The following WHRN variants were observed in gnomAD, a reference collection of about 807,000 sequenced individuals.
WHRN encodes the protein whirlin.
In WHRN, 41 loss-of-function variants were observed where a neutral mutation model predicts 68.3. The observed-to-expected ratio is 0.60, with a 90% CI of 0.47 to 0.78. WHRN has a LOEUF of 0.78. WHRN is among the 30% of genes least tolerant of loss of function. The probability of loss-of-function intolerance (pLI) is 0.00; values close to 1 mark genes in which losing one functional copy is unlikely to be tolerated. For synonymous variants in WHRN, 560 were observed against 561.3 expected (o/e 1.00, Z 0.03); for missense variants, 1,243 against 1,244.7 (o/e 1.00, Z 0.02).
chr9:114,504,088 G>T, intron 1 of WHRN, 96 bp downstream of exon 1: 3 of 1,546,612 alleles, frequency 1.9e-6, no homozygotes, highest in Non-Finnish European at 2.6e-6. Flanking sequence ...GAAAGGCCAA[G>T]TGATTCATCT....
At position 114,464,419 on chromosome 9, in the gene WHRN, C is replaced by T. The variant is rs186160726; in HGVS notation, c.963+1848G>A. On this transcript the variant is annotated intron_variant, in intron 3 of 11. Coordinates refer to ENST00000362057, the MANE Select transcript of WHRN (RefSeq NM_015404.4). ...CAGCAGGTTCAGTGTCTGGTGAGGGCCCACTTCCTGGTTCATAGACTGTGC... is the reference window on the plus strand; with the variant it reads ...CAGCAGGTTCAGTGTCTGGTGAGGGTCCACTTCCTGGTTCATAGACTGTGC... Among the ~76,000 whole-genome samples, 7 of 152,190 alleles carry T rather than the reference C, an allele frequency of 4.6e-5. No homozygotes were observed. In the East Asian group the frequency reaches 1.2e-3, roughly 25 times the overall value.
chr9:114,495,543 G>A (rs890921017), intron 1 of WHRN, among the ~76,000 whole-genome samples: 2 of 152,172 alleles, frequency 1.3e-5, no homozygotes, highest in African/African-American at 2.4e-5. Context: ...ACAACGAGAA[G>A]GCAATTAAAA....
At chr9:114,486,945 G>A in intron 1 of WHRN, among the ~76,000 whole-genome samples, 1 of 1,456 alleles carries the variant, frequency 6.9e-4, no homozygotes. Flanking sequence ...TGTGTGTTGT[G>A]TGTGTGTGTG....
At chr9:114,459,686 T>C (rs577089993) in intron 3 of WHRN, among the ~76,000 whole-genome samples, 23 of 152,250 alleles carry the variant, frequency 1.5e-4, no homozygotes, top group African/African-American at 4.6e-4. Context: ...CCTGGCAAAG[T>C]CCAGCACCCG....
rs567156879 is a variant in WHRN at position 114,402,171 on chromosome 9, G to A, written c.*583C>T. 30 of 165,604 alleles carry A rather than the reference G, an allele frequency of 1.8e-4. No individual in the cohort carries two copies. In the South Asian group the frequency reaches 3.6e-3, roughly 20 times the overall value. The allele number at this position is 165,604 out of a possible 1,614,324, so 10.3% of individuals were successfully genotyped here. On this transcript the variant is annotated 3_prime_UTR_variant, in exon 12 of 12. Coordinates refer to ENST00000362057, the MANE Select transcript of WHRN (RefSeq NM_015404.4). ...CTGCTGGTCACCTGCAAGGCCTCTGGGATAGGCTGGGGGTGCAGAGGGAAG... is the reference window on the plus strand; with the variant it reads ...CTGCTGGTCACCTGCAAGGCCTCTGAGATAGGCTGGGGGTGCAGAGGGAAG...
chr9:114,435,882 A>T (rs2132521857), intron 3 of WHRN, among the ~76,000 whole-genome samples: 1 of 139,358 alleles, frequency 7.2e-6, no homozygotes, highest in Middle Eastern at 3.5e-3. Context: ...AAAACTTCAC[A>T]CACTTCTAAA....
In WHRN at chr9:114,487,354, A is replaced by G. The variant is rs1842636096; in HGVS notation, c.619-8583T>C. Among the ~76,000 whole-genome samples the G allele has an allele frequency of 2.0e-5, 3 of 150,640 alleles. No homozygotes were observed. In the South Asian group the frequency reaches 6.4e-4, roughly 32 times the overall value. On this transcript the variant is annotated intron_variant, in intron 1 of 11. Coordinates refer to ENST00000362057, the MANE Select transcript of WHRN (RefSeq NM_015404.4). ...GTACTTTATAAACACGTATATATAC[A>G]TATACAAGCTTATCATCTGATTACA...
chr9:114,446,313 A>C (rs1159042909), intron 3 of WHRN, among the ~76,000 whole-genome samples: 1 of 152,014 alleles, frequency 6.6e-6, no homozygotes, highest in East Asian at 1.9e-4. Flanking sequence ...GACAGAAAGC[A>C]GATTAGTAGC....
chr9:114,476,412 T>A (rs1207736798), intron 2 of WHRN, among the ~76,000 whole-genome samples: 1 of 151,878 alleles, frequency 6.6e-6, no homozygotes, highest in Non-Finnish European at 1.5e-5. Flanking sequence ...GGATTTTCAG[T>A]CCCCGAATGG....
intron 3 of WHRN, among the ~76,000 whole-genome samples, chr9:114,443,122 C>T (rs907107991): frequency 2.0e-5 from 3 of 152,076 alleles, no homozygotes; most frequent in Admixed American, 6.6e-5. Flanking sequence ...AGTACTGTTG[C>T]GGCCAGCACC....
At chr9:114,436,305 T>A (rs1177154962) in intron 3 of WHRN, among the ~76,000 whole-genome samples, 1 of 152,180 alleles carries the variant, frequency 6.6e-6, no homozygotes, top group Admixed American at 6.5e-5. Context: ...TACATGACAT[T>A]ATGTATTGAT....
chr9:114,476,471 T>A (rs888201440), intron 2 of WHRN, among the ~76,000 whole-genome samples: 4 of 152,068 alleles, frequency 2.6e-5, no homozygotes, highest in Non-Finnish European at 5.9e-5. Context: ...GGAAGCCGTC[T>A]CCTCAGAGAA....
At position 114,504,195 on chromosome 9, in the gene WHRN, C is replaced by T; in HGVS notation, c.607G>A (p.Glu203Lys). ...DKSLARVTHA[E>K]AVKALKGSKK... ...AACCACAGCCTTACCTTGACGGCCT[C>T]CGCGTGGGTCACCCGGGCCAGGGAT... is the stretch of plus-strand genomic sequence containing the variant. Residue 203 changes from glutamate (E) to lysine (K), a missense_variant, in exon 1 of 12, where the codon GAG (glutamate) becomes AAG (lysine). Glu to Lys is a moderately conservative substitution (Grantham distance 56, BLOSUM62 1). Transcript: ENST00000362057. 6.2e-7 allele frequency: 1 copy of T among 1,614,190 alleles called. No individual in the cohort carries two copies. The highest frequency in any genetic ancestry group is 8.5e-7 in the Non-Finnish European group (1 of 1,180,044).
Position 114,406,890 on chromosome 9 carries a change from A to T in WHRN, c.1701T>A (p.Asp567Glu). 1 of 1,570,824 alleles carries T rather than the reference A, an allele frequency of 6.4e-7. No individual in the cohort carries two copies. ...GCCCCTGGGAGGTGGATCTGACATC[A>T]TCCTGCCAAAAGACCCAACAGGCGG... Reference protein sequence around the residue: ...NINALPDVSVDDVRSTSQGLS... With the variant: ...NINALPDVSVEDVRSTSQGLS... Residue 567 changes from aspartate (D) to glutamate (E), a missense_variant and splice_region_variant, in exon 9 of 12, where the codon GAT (aspartate) becomes GAA (glutamate). Physicochemically the swap from Asp to Glu is conservative, Grantham distance 45. Transcript: ENST00000362057.
chr9:114,478,844 C>G, intron 1 of WHRN, 73 bp from the exon 2 acceptor site: 1 of 1,477,404 alleles, frequency 6.8e-7, no homozygotes, highest in Non-Finnish European at 9.2e-7. Context: ...TCCCCTGGCC[C>G]AGACCTTGGT....
intron 5 of WHRN, 68 bp from the exon 6 acceptor site, chr9:114,424,614 C>T: frequency 6.9e-7 from 1 of 1,450,904 alleles, no homozygotes; most frequent in Non-Finnish European, 9.5e-7. Context: ...CATGCCACTC[C>T]CCCTCTGCCC....
chr9:114,475,904 G>A (rs1255346572), intron 2 of WHRN, among the ~76,000 whole-genome samples: 1 of 152,158 alleles, frequency 6.6e-6, no homozygotes, highest in African/African-American at 2.4e-5. Context: ...GGTTCAGGGT[G>A]TCTCCTGCCT....
intron 2 of WHRN, among the ~76,000 whole-genome samples, chr9:114,473,758 C>T (rs141076422): frequency 1.3e-5 from 2 of 152,274 alleles, no homozygotes; most frequent in African/African-American, 4.8e-5. Context: ...AAGCAGGAGA[C>T]GCAGGCCGCC....
chr9:114,492,644 G>A (rs185595384), intron 1 of WHRN, among the ~76,000 whole-genome samples: 90 of 152,224 alleles, frequency 5.9e-4, no homozygotes, highest in African/African-American at 2.0e-3. Flanking sequence ...AATTATTACT[G>A]ACTTGGGGAG....
Sources: gnomAD v4.1 joint callset for allele counts (sites outside exome capture counted in the v4.1 genomes callset) on GRCh38, gnomAD v4.1.1 for gene constraint, MANE v1.5 for transcripts, NCBI Gene and HGNC (gene_info 2026-07-23, HGNC 2026-07-21) for gene names.